Variants in ACAP2 observed in about 807,000 individuals in gnomAD.
ACAP2 encodes the protein ArfGAP with coiled-coil, ankyrin repeat and PH domains 2, also known as arf-GAP with coiled-coil, ANK repeat and PH domain-containing protein 2.
A neutral mutation model predicts 115.8 loss-of-function variants in ACAP2; 39 were observed. The observed-to-expected ratio is 0.34, with a 90% confidence interval of 0.26 to 0.44. The LOEUF (loss-of-function observed/expected upper bound fraction) is 0.44. ACAP2 is among the 20% of genes least tolerant of loss of function. The pLI, the probability that ACAP2 is intolerant of heterozygous loss-of-function variation, is 1.00. For missense variants in ACAP2, 662 were observed against 927.6 expected (o/e 0.71, Z 3.72); for synonymous variants, 289 against 315.8 (o/e 0.92, Z 0.90).
Position 195,279,053 on chromosome 3 carries a change from T to C in ACAP2, c.*275A>G. On this transcript the variant is annotated 3_prime_UTR_variant, in exon 23 of 23. Transcript: ENST00000326793. ...TTTTGTCTAACCTCCTATCATCTTG[T>C]AACCTAGAGATGGCCTAAATCTAGA... 3.9e-6 allele frequency: 1 copy of C among 255,564 alleles called. No individual in the cohort carries two copies. The highest frequency in any genetic ancestry group is 8.6e-5 in the South Asian group (1 of 11,628). The allele number at this position is 255,564 out of a possible 1,614,324, so 15.8% of individuals were successfully genotyped here. A position where few individuals can be genotyped will look rare whatever the true frequency, so the allele number is the denominator to read the frequency against.
intron 8 of ACAP2, among the ~76,000 whole-genome samples, chr3:195,328,055 A>G (rs997231628): frequency 6.6e-6 from 1 of 152,114 alleles, no homozygotes; most frequent in African/African-American, 2.4e-5. Context: ...GTCACGAGAA[A>G]TGCACTGGCT....
Position 195,302,105 on chromosome 3 carries a change from A to G in ACAP2, c.1186T>C (p.Leu396=), listed in dbSNP as rs763241449. 5 of 1,614,030 alleles carry G rather than the reference A, an allele frequency of 3.1e-6. No homozygotes were observed. The highest frequency in any genetic ancestry group is 1.1e-5 in the South Asian group (1 of 91,088). The change falls in exon 14 of 23, where the codon TTG becomes CTG. Residue 396 remains leucine (L), a synonymous_variant. Transcript: ENST00000326793. ...DSGNESKEKL[L]KGESALQRVQ... is the part of the protein sequence containing the mutation. ...CGCTGAAGCGCACTTTCTCCTTTCA[A>G]TAATTTCTCTTTGGACTCATTTCCA...
rs542476638 is a variant in ACAP2, at chr3:195,349,059, T to C, written c.286-3742A>G. On this transcript the variant is annotated intron_variant, in intron 4 of 22. Transcript: ENST00000326793. ...GTGATCAGCTCTATAGATAACACTA[T>C]GGAACCTGCAAAAAAAAAACTGCTA... Among the ~76,000 whole-genome samples, 36 of 28,898 alleles carry C rather than the reference T, an allele frequency of 1.2e-3. 1 individual carries two copies. Among genetic ancestry groups the C allele is most frequent in the African/African-American group, 5.1e-3 (35 of 6,818 alleles). 19.0% of individuals were successfully genotyped at this position (28,898 alleles called of 152,430 possible). A position where few individuals can be genotyped will look rare whatever the true frequency, so the allele number is the denominator to read the frequency against.
chr3:195,404,206 G>A (rs1712549282), intron 1 of ACAP2, among the ~76,000 whole-genome samples: 1 of 152,152 alleles, frequency 6.6e-6, no homozygotes, highest in African/African-American at 2.4e-5. Context: ...GGGTGTCATA[G>A]AGAAGGGAAG....
In ACAP2 at chr3:195,351,593, T is replaced by G. The variant is rs868229762; in HGVS notation, c.286-6276A>C. ...TCTCCTGCTTCAGCCTCCCCAGCAGTTGGGACCACAGGCGCCCCCCACCAC... is the reference window on the plus strand; with the variant it reads ...TCTCCTGCTTCAGCCTCCCCAGCAGGTGGGACCACAGGCGCCCCCCACCAC... On this transcript the variant is annotated intron_variant, in intron 4 of 22. Coordinates refer to ENST00000326793, the MANE Select transcript of ACAP2 (RefSeq NM_012287.6). Among the ~76,000 whole-genome samples the G allele has an allele frequency of 3.8e-4, 57 of 151,832 alleles. No homozygotes were observed. In the Middle Eastern group the frequency reaches 0.017, roughly 45 times the overall value.
At chr3:195,340,252 G>A (rs1405174789) in intron 6 of ACAP2, among the ~76,000 whole-genome samples, 1 of 150,866 alleles carries the variant, frequency 6.6e-6, no homozygotes, top group Non-Finnish European at 1.5e-5. Context: ...GGCTTACAAT[G>A]AGGAGAATAT....
intron 4 of ACAP2, among the ~76,000 whole-genome samples, chr3:195,356,823 A>G (rs1330166436): frequency 1.3e-5 from 2 of 151,944 alleles, no homozygotes; most frequent in African/African-American, 4.8e-5. Context: ...AATCACCAGC[A>G]GCAACCAAGT....
At chr3:195,328,817 C>A (rs1209924845) in intron 8 of ACAP2, among the ~76,000 whole-genome samples, 2 of 152,148 alleles carry the variant, frequency 1.3e-5, no homozygotes, top group Non-Finnish European at 2.9e-5. Context: ...TGGCGGCTCA[C>A]GCCTGTAATC....
chr3:195,400,507 T>TAA lies in ACAP2; in HGVS notation c.54-8362_54-8361dup, dbSNP rs200223859. Among the ~76,000 whole-genome samples the TAA allele has an allele frequency of 6.5e-3, 916 of 141,210 alleles. 7 individuals are homozygous for TAA. Among genetic ancestry groups the TAA allele is most frequent in the African/African-American group, 0.023 (875 of 38,828 alleles). The allele number at this position is 141,210 out of a possible 152,430, so 92.6% of individuals were successfully genotyped here. A position where few individuals can be genotyped will look rare whatever the true frequency, so the allele number is the denominator to read the frequency against. On this transcript the variant is annotated intron_variant, in intron 1 of 22. Transcript: ENST00000326793. ...AGATATGAAGTTATTCTTTTTCCCT[T>TAA]AAAAAAAAAAAAAACCTCTTCTTTT...
intron 17 of ACAP2, chr3:195,295,243 A>C: frequency 7.7e-7 from 1 of 1,291,388 alleles, no homozygotes. Context: ...GAGTGAATCT[A>C]GCTCATCAGG....
chr3:195,402,186 C>T (rs770390112), intron 1 of ACAP2, among the ~76,000 whole-genome samples: 52 of 152,158 alleles, frequency 3.4e-4, no homozygotes, highest in Non-Finnish European at 6.8e-4. Context: ...AGCTAGTTAC[C>T]AGGTAAACAT....
intron 8 of ACAP2, among the ~76,000 whole-genome samples, chr3:195,327,260 C>T (rs9836617): frequency 0.029 from 4,347 of 152,216 alleles, 218 homozygotes; most frequent in African/African-American, 0.098. Flanking sequence ...CCCTGAATAA[C>T]GAAAATGACT....
intron 1 of ACAP2, among the ~76,000 whole-genome samples, chr3:195,424,828 G>A (rs542956855): frequency 6.9e-6 from 1 of 145,604 alleles, no homozygotes; most frequent in African/African-American, 2.5e-5. Flanking sequence ...GTGGTGAGAG[G>A]ATCATTTGAG....
At chr3:195,425,650 G>A (rs1714627387) in intron 1 of ACAP2, among the ~76,000 whole-genome samples, 1 of 152,122 alleles carries the variant, frequency 6.6e-6, no homozygotes, top group South Asian at 2.1e-4. Flanking sequence ...TCTACTAGGT[G>A]TCTCAAACTT....
At chr3:195,423,884 G>A (rs1205324623) in intron 1 of ACAP2, among the ~76,000 whole-genome samples, 2 of 151,260 alleles carry the variant, frequency 1.3e-5, no homozygotes, top group African/African-American at 4.9e-5. Flanking sequence ...TAATTTGCAG[G>A]GACTATTGAC....
chr3:195,297,523 T>TTC (rs1727735068), intron 15 of ACAP2, among the ~76,000 whole-genome samples: 2 of 152,148 alleles, frequency 1.3e-5, no homozygotes, highest in South Asian at 2.1e-4. Context: ...ACCAGAGTCA[T>TTC]TCTCTCTCTC....
Position 195,416,204 on chromosome 3 carries a change from G to A in ACAP2, c.54-24057C>T, listed in dbSNP as rs116248396. 8.1e-3 allele frequency among the ~76,000 whole-genome samples: 1,238 copies of A among 152,110 alleles called. 7 individuals carry two copies. The highest frequency in any genetic ancestry group is 0.017 in the Middle Eastern group (5 of 294). ...CTACTAAAAATACAAAAAGTTAGCCGGCATGGTGGCACATGCCTGTAGTCC... is the reference window on the plus strand; with the variant it reads ...CTACTAAAAATACAAAAAGTTAGCCAGCATGGTGGCACATGCCTGTAGTCC... On this transcript the variant is annotated intron_variant, in intron 1 of 22. Coordinates refer to ENST00000326793, the MANE Select transcript of ACAP2 (RefSeq NM_012287.6).
intron 2 of ACAP2, among the ~76,000 whole-genome samples, chr3:195,382,473 CCTT>C (rs1379212781): frequency 2.0e-5 from 3 of 152,102 alleles, no homozygotes; most frequent in African/African-American, 7.2e-5. Flanking sequence ...TCTCTCCCGT[CCTT>C]CTTCTTTTCA....
At chr3:195,306,289 A>G in intron 13 of ACAP2, among the ~76,000 whole-genome samples, 1 of 152,212 alleles carries the variant, frequency 6.6e-6, no homozygotes, top group East Asian at 1.9e-4. Context: ...TGGTTCATAT[A>G]TTCAAATATT....
Sources: allele counts gnomAD v4.1 joint callset (sites outside exome capture counted in the v4.1 genomes callset), GRCh38; gene constraint gnomAD v4.1.1; transcripts MANE v1.5; gene names NCBI Gene and HGNC (gene_info 2026-07-23, HGNC 2026-07-21).